The following OTOGL variants were observed in gnomAD, a reference collection of about 807,000 sequenced individuals.
OTOGL encodes otogelin-like protein.
In OTOGL, 285 loss-of-function variants were observed where a neutral mutation model predicts 318.5. The observed-to-expected ratio is 0.89, with a 90% CI of 0.81 to 0.99. The LOEUF (loss-of-function observed/expected upper bound fraction) is 0.99, where lower values mean the gene tolerates loss of function less well. Among genes scored for constraint, OTOGL ranks in the 50% least tolerant of loss-of-function variants. The pLI is 0.00. For synonymous variants in OTOGL, 987 were observed against 936.5 expected (o/e 1.05, Z -0.99); for missense variants, 2,899 against 2,845.6 (o/e 1.02, Z -0.43).
intron 1 of OTOGL, among the ~76,000 whole-genome samples, chr12:80,111,563 T>A (rs765437313): frequency 6.6e-6 from 1 of 152,150 alleles, no homozygotes; most frequent in Non-Finnish European, 1.5e-5. Flanking sequence ...GATGTAGATG[T>A]GTGGTGTTAT....
At chr12:80,264,732 G>A (rs1349072640) in intron 19 of OTOGL, among the ~76,000 whole-genome samples, 2 of 152,090 alleles carry the variant, frequency 1.3e-5, no homozygotes, top group Non-Finnish European at 2.9e-5. Flanking sequence ...CAATGGGATG[G>A]TTGAGGCCAC....
intron 1 of OTOGL, among the ~76,000 whole-genome samples, chr12:80,168,862 G>A: frequency 6.6e-6 from 1 of 152,174 alleles, no homozygotes; most frequent in East Asian, 1.9e-4. Context: ...AAATGAGTAT[G>A]TATCTGTAGC....
chr12:80,230,206 T>C lies in OTOGL; in HGVS notation c.611+828T>C, dbSNP rs564538098. 3.3e-5 allele frequency among the ~76,000 whole-genome samples: 5 copies of C among 152,312 alleles called. No homozygotes were observed. In the East Asian group the frequency reaches 9.7e-4, roughly 29 times the overall value. On this transcript the variant is annotated intron_variant, in intron 8 of 58. Coordinates refer to ENST00000547103, the MANE Select transcript of OTOGL (RefSeq NM_001378609.3). The stretch of plus-strand genomic sequence containing the variant: ...CCAGCGCAATGGCTTTATCAACCCG[T>C]GTTGCTTTTTCTGGGCTTAGATTCC...
At position 80,251,728 on chromosome 12, in the gene OTOGL, C is replaced by T. The variant is rs755618911; in HGVS notation, c.1088C>T (p.Thr363Ile). ...GATGAAACCTATTGCCGAGCAGCCA[C>T]TGAGTATGCTAGAGCCTGCTCTCAT... The part of the protein sequence containing the change: ...DDDETYCRAA[T>I]EYARACSHAG... The change falls in exon 12 of 59, where the codon ACT becomes ATT. Residue 363 changes from threonine (T) to isoleucine (I), a missense_variant. This residue lies in a region of OTOGL where 2,607 missense variants were observed against 2,524.9 expected (regional missense o/e 1.03). Coordinates refer to ENST00000547103, the MANE Select transcript of OTOGL (RefSeq NM_001378609.3). The T allele has an allele frequency of 3.1e-6, 5 of 1,595,786 alleles. No homozygotes were observed. The highest frequency in any genetic ancestry group is 1.3e-5 in the African/African-American group (1 of 74,822).
chr12:80,227,623 C>CT (rs993499972), intron 7 of OTOGL, among the ~76,000 whole-genome samples: 7 of 152,122 alleles, frequency 4.6e-5, no homozygotes, highest in East Asian at 1.9e-4. Flanking sequence ...ATCTATATGT[C>CT]TTTTTTTCCA....
intron 7 of OTOGL, among the ~76,000 whole-genome samples, chr12:80,228,372 G>A (rs1329314202): frequency 1.3e-5 from 2 of 152,084 alleles, no homozygotes; most frequent in Non-Finnish European, 2.9e-5. Context: ...AACCTAGGAG[G>A]CAGAGGTTTC....
At chr12:80,320,281 T>C (rs1887236779) in intron 33 of OTOGL, 141 bp from the exon 34 acceptor site, 6 of 704,262 alleles carry the variant, frequency 8.5e-6, no homozygotes, top group Non-Finnish European at 1.3e-5. Context: ...TCCTAGTTTA[T>C]TTGTGAAATC....
At chr12:80,318,781 A>G in intron 33 of OTOGL, 68 bp downstream of exon 33, 2 of 1,064,372 alleles carry the variant, frequency 1.9e-6, no homozygotes, top group Non-Finnish European at 2.4e-6. Context: ...CTCAGTAAAT[A>G]TTAATTGAGA....
At chr12:80,150,682 T>A (rs1872730805) in intron 1 of OTOGL, among the ~76,000 whole-genome samples, 1 of 152,212 alleles carries the variant, frequency 6.6e-6, no homozygotes, top group Non-Finnish European at 1.5e-5. Context: ...TTGTTCACCT[T>A]TGGTGAGTCA....
At chr12:80,113,353 A>G (rs1310407988) in intron 1 of OTOGL, among the ~76,000 whole-genome samples, 3 of 151,992 alleles carry the variant, frequency 2.0e-5, no homozygotes, top group Non-Finnish European at 4.4e-5. Flanking sequence ...TAGGGTGTCA[A>G]TTTTAGATCT....
intron 46 of OTOGL, 104 bp downstream of exon 46, chr12:80,353,614 C>T: frequency 1.1e-6 from 1 of 908,420 alleles, no homozygotes; most frequent in Non-Finnish European, 1.5e-6. Flanking sequence ...TCAAAGACAG[C>T]CTCTGTTGGA....
chr12:80,334,721 C>T (rs1432087019), intron 38 of OTOGL, among the ~76,000 whole-genome samples: 1 of 151,992 alleles, frequency 6.6e-6, no homozygotes, highest in Non-Finnish European at 1.5e-5. Flanking sequence ...ATTAATAGGT[C>T]TGAGATGAGG....
At chr12:80,312,504 C>T (rs755955999) in intron 30 of OTOGL, among the ~76,000 whole-genome samples, 15 of 152,116 alleles carry the variant, frequency 9.9e-5, no homozygotes, top group Non-Finnish European at 1.9e-4. Context: ...ATCCCATAAA[C>T]AAAACCTCTT....
intron 1 of OTOGL, among the ~76,000 whole-genome samples, chr12:80,136,622 TCTTC>T (rs1372402516): frequency 1.3e-5 from 2 of 152,190 alleles, no homozygotes; most frequent in African/African-American, 2.4e-5. Flanking sequence ...TTGGACTTGT[TCTTC>T]CTTCTACCTG....
At chr12:80,299,720 A>C (rs952292269) in intron 27 of OTOGL, among the ~76,000 whole-genome samples, 2 of 152,082 alleles carry the variant, frequency 1.3e-5, no homozygotes, top group African/African-American at 4.8e-5. Context: ...CTGTACTTTA[A>C]ATATTTTAAT....
At chr12:80,262,321 A>C (rs1486151675) in intron 19 of OTOGL, among the ~76,000 whole-genome samples, 2 of 151,154 alleles carry the variant, frequency 1.3e-5, no homozygotes, top group East Asian at 3.9e-4. Flanking sequence ...TTTATTTCCT[A>C]TTTTTATTTC....
chr12:80,219,861 G>A lies in OTOGL; in HGVS notation c.283G>A (p.Gly95Arg), dbSNP rs201264433. The A allele has an allele frequency of 6.4e-4, 1,013 of 1,594,034 alleles. No homozygotes were observed. Among genetic ancestry groups the A allele is most frequent in the Non-Finnish European group, 8.0e-4 (936 of 1,176,140 alleles). ...TAATGGAGCTTTCTGTTCTAAGACT[G>A]GAACATGTGACTGTCAAATATTTCA... is the stretch of plus-strand genomic sequence containing the variant. ...CLNGAFCSKT[G>R]TCDCQIFQAL... Residue 95 changes from glycine (G) to arginine (R), a missense_variant, in exon 6 of 59, where the codon GGA becomes AGA. Around this residue, in one of 3 missense-constraint regions of OTOGL, gnomAD observed 2,607 missense variants for 2,524.9 expected, o/e 1.03. Coordinates refer to ENST00000547103, the MANE Select transcript of OTOGL (RefSeq NM_001378609.3).
At chr12:80,339,304 T>TTA (rs1039985611) in intron 43 of OTOGL, 40 bp downstream of exon 43, 13 of 1,143,838 alleles carry the variant, frequency 1.1e-5, no homozygotes, top group Non-Finnish European at 1.5e-5. Flanking sequence ...GTCTGTTTTT[T>TTA]TTTTTTTTTT....
rs368821677 is a variant in OTOGL at position 80,168,827 on chromosome 12, C to T, written c.-19-40586C>T. Among the ~76,000 whole-genome samples, 6 of 152,164 alleles carry T rather than the reference C, an allele frequency of 3.9e-5. No homozygotes were observed. In the East Asian group the frequency reaches 1.2e-3, roughly 29 times the overall value. On this transcript the variant is annotated intron_variant, in intron 1 of 58. Coordinates refer to ENST00000547103, the MANE Select transcript of OTOGL (RefSeq NM_001378609.3). Reference sequence around the variant, plus strand: ...AGAAACTAGTTTCTAGTTTGGTGAACAGAACCTTCTCTAAGCAATTAGGAA... The same window carrying T: ...AGAAACTAGTTTCTAGTTTGGTGAATAGAACCTTCTCTAAGCAATTAGGAA...
Sources: allele counts gnomAD v4.1 joint callset (sites outside exome capture counted in the v4.1 genomes callset), GRCh38; gene constraint gnomAD v4.1.1; regional missense constraint gnomAD v4.1.1; transcripts MANE v1.5; gene names NCBI Gene and HGNC (gene_info 2026-07-23, HGNC 2026-07-21).